The following PRIM2 variants were observed in gnomAD, a reference collection of about 807,000 sequenced individuals.
PRIM2 encodes DNA primase subunit 2.
Under a neutral mutation model 67.3 loss-of-function variants are expected in PRIM2, and 39 were observed. The ratio of observed to expected loss-of-function variants is 0.58; its 90% CI spans 0.45 to 0.76. PRIM2 has a LOEUF of 0.76. Among genes scored for constraint, PRIM2 ranks in the 30% least tolerant of loss-of-function variants. PRIM2 has a pLI of 0.00. For synonymous variants in PRIM2, 143 were observed against 198.7 expected (o/e 0.72, Z 2.36); for missense variants, 398 against 598.7 (o/e 0.66, Z 3.50).
chr6:57,314,446 T>C (rs1767442925), upstream of PRIM2, among the ~76,000 whole-genome samples: 4 of 152,012 alleles, frequency 2.6e-5, no homozygotes, highest in Admixed American at 2.0e-4. Context: ...AACCCAGGAG[T>C]TGGAGGTTGC....
At chr6:57,472,081 A>G (rs1342481933) in intron 7 of PRIM2, among the ~76,000 whole-genome samples, 1 of 152,056 alleles carries the variant, frequency 6.6e-6, no homozygotes, top group East Asian at 1.9e-4. Flanking sequence ...GTCAGCTGCT[A>G]TTTAGATGAT....
the PRIM2 span, among the ~76,000 whole-genome samples, chr6:57,262,435 C>T: frequency 6.6e-6 from 1 of 152,148 alleles, no homozygotes; most frequent in African/African-American, 2.4e-5. Context: ...CAAAGAAGTT[C>T]CCTTGCTCAC....
intron 8 of PRIM2, among the ~76,000 whole-genome samples, chr6:57,521,771 C>T (rs1774629294): frequency 6.6e-6 from 1 of 152,004 alleles, no homozygotes; most frequent in Non-Finnish European, 1.5e-5. Flanking sequence ...CTTAAGAATA[C>T]TGGGAAATGC....
intron 8 of PRIM2, among the ~76,000 whole-genome samples, chr6:57,522,139 A>G (rs1309256514): frequency 6.6e-6 from 1 of 152,098 alleles, no homozygotes; most frequent in African/African-American, 2.4e-5. Flanking sequence ...ATGGCAAACT[A>G]TGACTTAAAT....
chr6:57,557,761 A>T (rs1775543595), intron 10 of PRIM2, among the ~76,000 whole-genome samples: 1 of 152,120 alleles, frequency 6.6e-6, no homozygotes, highest in South Asian at 2.1e-4. Flanking sequence ...TATCCCCCAA[A>T]CTTAAAAGTT....
chr6:57,311,247 A>AGAGGCGC (rs1767382236), upstream of PRIM2, among the ~76,000 whole-genome samples: 1 of 16,982 alleles, frequency 5.9e-5, no homozygotes, highest in Non-Finnish European at 1.2e-4. Context: ...CGGACGGGGC[A>AGAGGCGC]TCCGGGCAGA....
intron 7 of PRIM2, among the ~76,000 whole-genome samples, chr6:57,479,518 G>A (rs1412224021): frequency 2.6e-5 from 4 of 152,192 alleles, no homozygotes; most frequent in Admixed American, 6.5e-5. Flanking sequence ...GTAGGTGATA[G>A]TTTCCAGCTG....
intron 5 of PRIM2, among the ~76,000 whole-genome samples, chr6:57,372,159 A>C (rs541691690): frequency 1.2e-4 from 19 of 152,296 alleles, no homozygotes; most frequent in African/African-American, 4.6e-4. Context: ...TAGTTTCTGT[A>C]TCTTTATCTT....
At chr6:57,264,920 G>A in the PRIM2 span, among the ~76,000 whole-genome samples, 1 of 152,180 alleles carries the variant, frequency 6.6e-6, no homozygotes, top group Non-Finnish European at 1.5e-5. Context: ...ATAGTTTGGA[G>A]ACTGAGACTC....
chr6:57,279,929 C>G, the PRIM2 span, among the ~76,000 whole-genome samples: 1 of 152,220 alleles, frequency 6.6e-6, no homozygotes, highest in African/African-American at 2.4e-5. Flanking sequence ...AATTTCCAGA[C>G]TGAAGACACC....
At chr6:57,420,022 C>T (rs1207501935) in intron 7 of PRIM2, among the ~76,000 whole-genome samples, 1 of 152,146 alleles carries the variant, frequency 6.6e-6, no homozygotes, top group Non-Finnish European at 1.5e-5. Context: ...TGGATGTGAG[C>T]AGAGACTTTC....
intron 7 of PRIM2, among the ~76,000 whole-genome samples, chr6:57,393,245 T>G (rs75660714): frequency 1.5e-4 from 23 of 152,124 alleles, no homozygotes; most frequent in Non-Finnish European, 3.1e-4. Flanking sequence ...TGTTTTCCAT[T>G]GTGGCTGTAC....
At chr6:57,337,608 C>G (rs956258467) in intron 5 of PRIM2, among the ~76,000 whole-genome samples, 1 of 152,152 alleles carries the variant, frequency 6.6e-6, no homozygotes. Flanking sequence ...TCCTGAATGA[C>G]TACTGGGTAT....
chr6:57,450,812 G>T (rs1473445865), intron 7 of PRIM2, among the ~76,000 whole-genome samples: 3 of 152,102 alleles, frequency 2.0e-5, no homozygotes, highest in African/African-American at 7.2e-5. Context: ...AGGTACTTAA[G>T]GCTTGCATAT....
chr6:57,462,063 G>A (rs9476001), intron 7 of PRIM2, among the ~76,000 whole-genome samples: 1 of 152,216 alleles, frequency 6.6e-6, no homozygotes, highest in Admixed American at 6.5e-5. Context: ...TATCTGTCCA[G>A]TGCATGTTGG....
chr6:57,548,812 A>G lies in PRIM2; in HGVS notation c.1020+11187A>G, dbSNP rs1312281166. 7.2e-5 allele frequency among the ~76,000 whole-genome samples: 11 copies of G among 152,324 alleles called. No individual in the cohort carries two copies. In the East Asian group the frequency reaches 2.1e-3, roughly 29 times the overall value. On this transcript the variant is annotated intron_variant, in intron 10 of 13. Coordinates refer to ENST00000615550, the MANE Select transcript of PRIM2 (RefSeq NM_000947.5). Reference sequence around the variant, plus strand: ...GCTCACATCCACTGCTCATCTTTCCAATAAAGTAGGCAGGGGAATTGCTTA... The same window carrying G: ...GCTCACATCCACTGCTCATCTTTCCGATAAAGTAGGCAGGGGAATTGCTTA...
At chr6:57,344,022 AC>A (rs1325586408) in intron 5 of PRIM2, among the ~76,000 whole-genome samples, 19 of 152,282 alleles carry the variant, frequency 1.2e-4, no homozygotes, top group Admixed American at 1.0e-3. Context: ...CCCTAAACTT[AC>A]TTAGCAGGAT....
chr6:57,427,462 G>GT (rs111910104), intron 7 of PRIM2, among the ~76,000 whole-genome samples: 1 of 152,252 alleles, frequency 6.6e-6, no homozygotes, highest in East Asian at 1.9e-4. Flanking sequence ...GGGATTCCAG[G>GT]CATGCGCCAC....
chr6:57,285,939 C>T, the PRIM2 span, among the ~76,000 whole-genome samples: 1 of 152,146 alleles, frequency 6.6e-6, no homozygotes, highest in Non-Finnish European at 1.5e-5. Flanking sequence ...GTGCAAAAAT[C>T]ACAAGCATTC....
Sources: allele counts gnomAD v4.1 joint callset (sites outside exome capture counted in the v4.1 genomes callset), GRCh38; gene constraint gnomAD v4.1.1; transcripts MANE v1.5; gene names NCBI Gene and HGNC (gene_info 2026-07-23, HGNC 2026-07-21).